The following SMOC2 variants were observed in gnomAD, a reference collection of about 807,000 sequenced individuals.
The protein encoded by SMOC2 is SPARC related modular calcium binding 2, also known as SPARC-related modular calcium-binding protein 2.
In SMOC2, 39 loss-of-function variants were observed where a neutral mutation model predicts 61.4. The observed-to-expected ratio is 0.64, with a 90% CI of 0.49 to 0.83. SMOC2 has a LOEUF of 0.83. SMOC2 is among the 40% of genes least tolerant of loss of function. SMOC2 has a pLI of 0.00. For synonymous variants in SMOC2, 247 were observed against 239.9 expected, an observed-to-expected ratio of 1.03 and a Z score of -0.27; for missense variants, 556 against 592.9, an observed-to-expected ratio of 0.94 and a Z score of 0.65.
chr6:168,471,196 A>G (rs1781960383), intron 1 of SMOC2, among the ~76,000 whole-genome samples: 1 of 152,154 alleles, frequency 6.6e-6, no homozygotes, highest in Non-Finnish European at 1.5e-5. Flanking sequence ...AACTGGCAAA[A>G]CCGAAACTTG....
chr6:168,540,709 T>C (rs1053535508), intron 4 of SMOC2, among the ~76,000 whole-genome samples: 2 of 152,158 alleles, frequency 1.3e-5, no homozygotes, highest in Non-Finnish European at 2.9e-5. Flanking sequence ...AAAAGCCCAA[T>C]AGCACAGAGA....
intron 9 of SMOC2, among the ~76,000 whole-genome samples, chr6:168,640,570 A>T (rs1786870699): frequency 6.6e-6 from 1 of 152,192 alleles, no homozygotes; most frequent in Non-Finnish European, 1.5e-5. Flanking sequence ...GTAAAATGTA[A>T]CCTCACTTGA....
intron 8 of SMOC2, among the ~76,000 whole-genome samples, chr6:168,601,104 G>A (rs1012569734): frequency 1.3e-5 from 2 of 152,244 alleles, no homozygotes; most frequent in Non-Finnish European, 2.9e-5. Flanking sequence ...GCATTTGGAC[G>A]CTTCCTAAAC....
At chr6:168,615,663 G>GCCTCTTCACACCTACA (rs1234437960) in intron 9 of SMOC2, among the ~76,000 whole-genome samples, 10 of 1,528 alleles carry the variant, frequency 6.5e-3, no homozygotes, top group Non-Finnish European at 0.018. Flanking sequence ...CCAGCACAGG[G>GCCTCTTCACACCTACA]GGCCTCTTCA....
intron 9 of SMOC2, among the ~76,000 whole-genome samples, chr6:168,611,719 C>T (rs1243566395): frequency 6.6e-6 from 1 of 150,678 alleles, no homozygotes; most frequent in African/African-American, 2.4e-5. Context: ...CCGTGGCTCC[C>T]GTGTCGGGCC....
chr6:168,580,186 G>A (rs1248859748), intron 7 of SMOC2, among the ~76,000 whole-genome samples: 1 of 152,234 alleles, frequency 6.6e-6, no homozygotes, highest in Non-Finnish European at 1.5e-5. Context: ...TGAGTTTGTT[G>A]CTATGGGAAA....
In SMOC2 at chr6:168,544,038, C is replaced by G. The variant is rs909443372; in HGVS notation, c.511+366C>G. On this transcript the variant is annotated intron_variant, in intron 5 of 12. Coordinates refer to ENST00000356284, the MANE Select transcript of SMOC2 (RefSeq NM_001166412.2). The surrounding 1 kb of genome is among the most constrained non-coding windows in gnomAD (Gnocchi z 4.1). ...TTATTGAGGACCCTGATAAAGATGC[C>G]TCAACTCCTCCCTACAAGGAGGAAG... Among the ~76,000 whole-genome samples, 3 of 152,166 alleles carry G rather than the reference C, an allele frequency of 2.0e-5. No homozygotes were observed. Among genetic ancestry groups the G allele is most frequent in the African/African-American group, 7.2e-5 (3 of 41,442 alleles).
Position 168,549,981 on chromosome 6 carries a change from C to T in SMOC2, c.637+778C>T, listed in dbSNP as rs1784093244. ...AAAGCAGTGTTTGAGAGAACTTTCA[C>T]CTTTTAAAGCTGACTATTTTGACAT... On this transcript the variant is annotated intron_variant, in intron 7 of 12. Coordinates refer to ENST00000356284, the MANE Select transcript of SMOC2 (RefSeq NM_001166412.2). Among the ~76,000 whole-genome samples, 3 of 152,278 alleles carry T rather than the reference C, an allele frequency of 2.0e-5. No individual in the cohort carries two copies. The South Asian group carries it at 6.2e-4, about 32-fold the overall frequency.
At position 168,472,067 on chromosome 6, in the gene SMOC2, C is replaced by T. The variant is rs140673870; in HGVS notation, c.84+30613C>T. Among the ~76,000 whole-genome samples, 223 of 152,338 alleles carry T rather than the reference C, an allele frequency of 1.5e-3. 1 individual carries two copies. The highest frequency in any genetic ancestry group is 5.2e-3 in the African/African-American group (217 of 41,582). On this transcript the variant is annotated intron_variant, in intron 1 of 12. Coordinates refer to ENST00000356284, the MANE Select transcript of SMOC2 (RefSeq NM_001166412.2). ...TACATTTTGATGCAGTCCAGTTTAT[C>T]CATTTTTCCTGCTATGGCTTGTGCT...
intron 1 of SMOC2, among the ~76,000 whole-genome samples, chr6:168,505,747 T>C (rs1476141871): frequency 6.6e-6 from 1 of 152,240 alleles, no homozygotes; most frequent in Non-Finnish European, 1.5e-5. Flanking sequence ...AGTAGGACCC[T>C]GTTTTCTGAA....
chr6:168,604,101 C>A (rs1785626003), intron 8 of SMOC2, among the ~76,000 whole-genome samples: 1 of 152,254 alleles, frequency 6.6e-6, no homozygotes, highest in Admixed American at 6.5e-5. Flanking sequence ...GCCGCCCTGA[C>A]ACCCTCATTC....
At chr6:168,531,374 C>T (rs1043207148) in intron 4 of SMOC2, among the ~76,000 whole-genome samples, 2 of 152,192 alleles carry the variant, frequency 1.3e-5, no homozygotes, top group Admixed American at 6.5e-5. Flanking sequence ...AATGTTAAAA[C>T]GTGCAACGCC....
intron 9 of SMOC2, among the ~76,000 whole-genome samples, chr6:168,627,472 G>A (rs922243677): frequency 6.6e-6 from 1 of 152,102 alleles, no homozygotes; most frequent in African/African-American, 2.4e-5. Context: ...CTCTCTGCGG[G>A]CAGGATGTCA....
chr6:168,604,725 G>T (rs1785642744), intron 8 of SMOC2, among the ~76,000 whole-genome samples: 1 of 152,194 alleles, frequency 6.6e-6, no homozygotes. Context: ...TTTGATATGT[G>T]ACCTCTCTTA....
At chr6:168,512,882 C>T (rs1042943958) in intron 2 of SMOC2, among the ~76,000 whole-genome samples, 4 of 152,218 alleles carry the variant, frequency 2.6e-5, no homozygotes, top group African/African-American at 7.2e-5. Flanking sequence ...GAGCTGACTC[C>T]ATCTAACTTT....
chr6:168,624,565 TACAG>T (rs1213615851), intron 9 of SMOC2, among the ~76,000 whole-genome samples: 3 of 129,050 alleles, frequency 2.3e-5, no homozygotes, highest in Admixed American at 7.9e-5. Flanking sequence ...CACACTGACA[TACAG>T]AAACACACAC....
At chr6:168,582,298 A>G (rs1784936913) in intron 7 of SMOC2, among the ~76,000 whole-genome samples, 2 of 152,084 alleles carry the variant, frequency 1.3e-5, no homozygotes, top group Non-Finnish European at 2.9e-5. Flanking sequence ...GTCTCAGGCA[A>G]TCCTGCTAAC....
Position 168,592,629 on chromosome 6 carries a change from C to T in SMOC2, c.638-6189C>T, listed in dbSNP as rs529205755. Among the ~76,000 whole-genome samples, 769 of 115,802 alleles carry T rather than the reference C, an allele frequency of 6.6e-3. 3 individuals carry two copies. Among genetic ancestry groups the T allele is most frequent in the African/African-American group, 0.024 (703 of 28,930 alleles). 76.0% of individuals were successfully genotyped at this position (115,802 alleles called of 152,430 possible). On this transcript the variant is annotated intron_variant, in intron 7 of 12. Transcript: ENST00000356284. ...GCTCCTCCTCCTTCCTGAGGCTTCA[C>T]GGGCATCTTTCTAGAGGATCGCTGA...
At chr6:168,488,357 G>T (rs189644521) in intron 1 of SMOC2, among the ~76,000 whole-genome samples, 18 of 152,216 alleles carry the variant, frequency 1.2e-4, no homozygotes, top group Admixed American at 1.1e-3. Context: ...GAGGGTGCTA[G>T]TTGCATGAGT....
Sources: allele counts gnomAD v4.1 joint callset (sites outside exome capture counted in the v4.1 genomes callset), GRCh38; gene constraint gnomAD v4.1.1; non-coding constraint Gnocchi (gnomAD v3.1); transcripts MANE v1.5; gene names NCBI Gene and HGNC (gene_info 2026-07-23, HGNC 2026-07-21).